The following PACRG variants were observed in gnomAD, a reference collection of about 807,000 sequenced individuals.
The protein encoded by PACRG is parkin coregulated gene protein.
A neutral mutation model predicts 29.7 loss-of-function variants in PACRG; 29 were observed. The observed-to-expected ratio is 0.98, with a 90% CI of 0.73 to 1.33. The LOEUF is 1.33. Among genes scored for constraint, PACRG ranks in the 40% most tolerant of loss-of-function variants. The pLI is 0.00. For synonymous variants in PACRG, 116 were observed against 118.7 expected, an observed-to-expected ratio of 0.98 and a Z score of 0.15; for missense variants, 279 against 316.2, an observed-to-expected ratio of 0.88 and a Z score of 0.89.
intron 2 of PACRG, chr6:163,051,176 AT>A (rs960098286): frequency 8.5e-5 from 13 of 152,236 alleles, no homozygotes; most frequent in African/African-American, 2.9e-4. Context: ...TAAAAGTTAT[AT>A]TTTTTAAGTG....
intron 2 of PACRG, among the ~76,000 whole-genome samples, chr6:162,867,879 C>T (rs1365324829): frequency 1.3e-5 from 2 of 152,092 alleles, no homozygotes; most frequent in African/African-American, 4.8e-5. Context: ...GCCAGGCCGA[C>T]GTTGGTTTAA....
rs150411229 is a variant in PACRG at position 163,213,474 on chromosome 6, G to A, written c.614-101353G>A. 1.4e-4 allele frequency among the ~76,000 whole-genome samples: 21 copies of A among 152,282 alleles called. No individual in the cohort carries two copies. In the East Asian group the frequency reaches 2.1e-3, roughly 15 times the overall value. On this transcript the variant is annotated intron_variant, in intron 4 of 4. Coordinates refer to ENST00000366888, the MANE Select transcript of PACRG (RefSeq NM_001080379.2). ...GGGGATAAAGTGGTAGTAATATACC[G>A]GTGTTTGTTGCATTTCAGTGCTTGT...
chr6:162,821,285 C>T (rs925953821), intron 2 of PACRG, among the ~76,000 whole-genome samples: 8 of 152,102 alleles, frequency 5.3e-5, no homozygotes, highest in East Asian at 1.9e-4. Context: ...CTAGGGCATA[C>T]GCCATCTCAT....
intron 2 of PACRG, among the ~76,000 whole-genome samples, chr6:162,956,886 G>A (rs775777782): frequency 6.6e-6 from 1 of 152,146 alleles, no homozygotes; most frequent in Non-Finnish European, 1.5e-5. Flanking sequence ...GGGACACAGT[G>A]TAACCTATTA....
At chr6:162,878,483 G>T (rs1353348212) in intron 2 of PACRG, among the ~76,000 whole-genome samples, 1 of 152,032 alleles carries the variant, frequency 6.6e-6, no homozygotes, top group Non-Finnish European at 1.5e-5. Flanking sequence ...ATATTGAATA[G>T]ACTGAATCTT....
chr6:163,280,903 T>A (rs942631870), intron 4 of PACRG, among the ~76,000 whole-genome samples: 3 of 152,150 alleles, frequency 2.0e-5, no homozygotes, highest in Non-Finnish European at 2.9e-5. Flanking sequence ...ACACAAACAT[T>A]GGTTTATAAC....
At chr6:163,010,187 C>A (rs1321258202) in intron 2 of PACRG, among the ~76,000 whole-genome samples, 3 of 152,212 alleles carry the variant, frequency 2.0e-5, no homozygotes, top group African/African-American at 7.2e-5. Context: ...ATAATCAAAT[C>A]TGTCTTGCTG....
At chr6:163,128,816 G>A (rs561274101) in intron 4 of PACRG, among the ~76,000 whole-genome samples, 1 of 152,254 alleles carries the variant, frequency 6.6e-6, no homozygotes, top group East Asian at 1.9e-4. Context: ...CGCTCAGTAA[G>A]CTATTTTTGC....
chr6:162,812,648 A>T (rs12527227), intron 1 of PACRG, among the ~76,000 whole-genome samples: 10,587 of 152,108 alleles, frequency 0.07, 484 homozygotes, highest in East Asian at 0.28. Flanking sequence ...TTACTCCTCC[A>T]TGAATTTCAG....
At chr6:163,240,582 G>T (rs1782460947) in intron 4 of PACRG, among the ~76,000 whole-genome samples, 1 of 152,114 alleles carries the variant, frequency 6.6e-6, no homozygotes, top group Non-Finnish European at 1.5e-5. Flanking sequence ...GGCTGGGAGA[G>T]GGCTCGTACC....
chr6:163,039,453 A>T (rs1201014672), intron 2 of PACRG, among the ~76,000 whole-genome samples: 1 of 152,224 alleles, frequency 6.6e-6, no homozygotes, highest in Non-Finnish European at 1.5e-5. Context: ...ACAGGCAGAG[A>T]TTCAAACAGT....
At chr6:163,057,244 T>C (rs974260198) in intron 2 of PACRG, among the ~76,000 whole-genome samples, 1 of 152,106 alleles carries the variant, frequency 6.6e-6, no homozygotes, top group Non-Finnish European at 1.5e-5. Flanking sequence ...TAATAAAAAC[T>C]CAAAAACAAT....
chr6:162,805,715 T>C (rs1270876872), intron 1 of PACRG, among the ~76,000 whole-genome samples: 1 of 152,230 alleles, frequency 6.6e-6, no homozygotes, highest in African/African-American at 2.4e-5. Context: ...ATTTTGATAA[T>C]GTTCAAAGTA....
chr6:163,234,977 G>T (rs984748745), intron 4 of PACRG, among the ~76,000 whole-genome samples: 1 of 152,124 alleles, frequency 6.6e-6, no homozygotes, highest in Non-Finnish European at 1.5e-5. Context: ...ACAGAGACTT[G>T]CTAGTTTTAA....
intron 1 of PACRG, among the ~76,000 whole-genome samples, chr6:162,808,859 A>G (rs1400152966): frequency 6.6e-6 from 1 of 152,174 alleles, no homozygotes; most frequent in Non-Finnish European, 1.5e-5. Context: ...CATGAAATAA[A>G]ATTTATAATA....
chr6:163,131,862 C>A (rs1328797420), intron 4 of PACRG, among the ~76,000 whole-genome samples: 1 of 152,146 alleles, frequency 6.6e-6, no homozygotes, highest in African/African-American at 2.4e-5. Context: ...AATACTTTAC[C>A]CATAAAATGC....
At chr6:163,300,911 T>G (rs1784969573) in intron 4 of PACRG, among the ~76,000 whole-genome samples, 3 of 106,510 alleles carry the variant, frequency 2.8e-5, no homozygotes, top group Admixed American at 9.7e-5. Flanking sequence ...CTGCTTCCCA[T>G]GAGTTTAGTA....
chr6:162,799,806 T>G (rs1785701344), intron 1 of PACRG, among the ~76,000 whole-genome samples: 1 of 152,164 alleles, frequency 6.6e-6, no homozygotes, highest in Non-Finnish European at 1.5e-5. Flanking sequence ...ATGGTAATAG[T>G]CTCTTAATAG....
At chr6:163,026,473 A>C (rs1807141713) in intron 2 of PACRG, among the ~76,000 whole-genome samples, 1 of 152,234 alleles carries the variant, frequency 6.6e-6, no homozygotes, top group Non-Finnish European at 1.5e-5. Flanking sequence ...AAAAGCAAGA[A>C]AATGCATAAT....
Sources: gnomAD v4.1 joint callset for allele counts (sites outside exome capture counted in the v4.1 genomes callset) on GRCh38, gnomAD v4.1.1 for gene constraint, MANE v1.5 for transcripts, NCBI Gene and HGNC (gene_info 2026-07-23, HGNC 2026-07-21) for gene names.